COL27A1: variants seen among roughly 807,000 people sequenced by gnomAD.
COL27A1 encodes collagen type XXVII alpha 1 chain.
COL27A1 carries 106 observed loss-of-function variants against 251.3 expected under a neutral mutation model. The observed-to-expected ratio is 0.42, with a 90% CI of 0.36 to 0.50. The LOEUF (loss-of-function observed/expected upper bound fraction) is 0.50. COL27A1 is among the 20% of genes least tolerant of loss of function. The pLI is 0.00. For synonymous variants in COL27A1, 1,000 were observed against 986.3 expected, an observed-to-expected ratio of 1.01 and a Z score of -0.26; for missense variants, 2,325 against 2,522.8, an observed-to-expected ratio of 0.92 and a Z score of 1.68.
intron 4 of COL27A1, among the ~76,000 whole-genome samples, chr9:114,182,616 G>A (rs73656009): frequency 0.018 from 2,772 of 152,260 alleles, 89 homozygotes; most frequent in African/African-American, 0.063. Flanking sequence ...AAGGGCTGAC[G>A]GGGCTAGGCT....
intron 4 of COL27A1, 76 bp from the exon 5 acceptor site, chr9:114,182,946 C>T: frequency 1.6e-6 from 2 of 1,247,946 alleles, no homozygotes; most frequent in Admixed American, 1.7e-5. Context: ...GGGAAGGTGC[C>T]AGGCATTGCT....
At chr9:114,231,256 G>C in intron 15 of COL27A1, 124 bp downstream of exon 15, 1 of 928,866 alleles carries the variant, frequency 1.1e-6, no homozygotes, top group Non-Finnish European at 1.7e-6. Context: ...AGGATGCTCA[G>C]AGGGGTGCTA....
chr9:114,240,194 T>A, intron 19 of COL27A1, 26 bp from the exon 20 acceptor site: 1 of 1,608,880 alleles, frequency 6.2e-7, no homozygotes, highest in Non-Finnish European at 8.5e-7. Flanking sequence ...CCCCCGTGGG[T>A]GACCCTGCTC....
chr9:114,207,721 G>C (rs1314333481), intron 10 of COL27A1, among the ~76,000 whole-genome samples: 1 of 152,224 alleles, frequency 6.6e-6, no homozygotes. Flanking sequence ...CAGAGGGCAG[G>C]CTTTGGAATC....
chr9:114,196,326 A>G (rs1829123866), intron 7 of COL27A1, among the ~76,000 whole-genome samples: 1 of 152,196 alleles, frequency 6.6e-6, no homozygotes, highest in African/African-American at 2.4e-5. Context: ...GCCTGTGGTG[A>G]TGGAGTAACC....
intron 41 of COL27A1, among the ~76,000 whole-genome samples, chr9:114,287,924 G>A (rs1311834383): frequency 6.6e-6 from 1 of 152,062 alleles, no homozygotes; most frequent in Non-Finnish European, 1.5e-5. Context: ...GCACTGCACT[G>A]CGGATGTCAT....
rs923826809 is a variant in COL27A1, at chr9:114,195,897, A to G, written c.2071-62A>G. ...TGGAAGTTACCATTCCAATTTGTAG[A>G]GTGTAGCAGAGTGTCTCTGCTCCCG... On this transcript the variant is annotated intron_variant, in intron 6 of 60. Transcript: ENST00000356083. 3 of 1,186,440 alleles carry G rather than the reference A, an allele frequency of 2.5e-6. No homozygotes were observed. In the African/African-American group the frequency reaches 4.5e-5, roughly 18 times the overall value. The allele number at this position is 1,186,440 out of a possible 1,614,324, so 73.5% of individuals were successfully genotyped here.
At chr9:114,165,672 C>CCATT (rs1393097746) in intron 2 of COL27A1, among the ~76,000 whole-genome samples, 1 of 151,288 alleles carries the variant, frequency 6.6e-6, no homozygotes, top group Non-Finnish European at 1.5e-5. Flanking sequence ...ATCCATCCAT[C>CCATT]CATCCATCCA....
chr9:114,214,495 G>A (rs1016077100), intron 12 of COL27A1, among the ~76,000 whole-genome samples: 2 of 152,222 alleles, frequency 1.3e-5, no homozygotes. Context: ...AACGGGAGCT[G>A]AGGAAGAGAC....
chr9:114,242,066 T>A (rs1832798846), intron 21 of COL27A1, 121 bp from the exon 22 acceptor site: 1 of 829,384 alleles, frequency 1.2e-6, no homozygotes, highest in Non-Finnish European at 1.8e-6. Flanking sequence ...GCGTGCTGTT[T>A]CCCTTTGTCC....
chr9:114,212,271 T>G (rs766604187), intron 12 of COL27A1, among the ~76,000 whole-genome samples: 43 of 152,216 alleles, frequency 2.8e-4, no homozygotes, highest in Non-Finnish European at 5.9e-4. Flanking sequence ...CTGAGAGGGC[T>G]GGGCTGGCAC....
At chr9:114,229,275 G>T (rs1396566959) in intron 14 of COL27A1, among the ~76,000 whole-genome samples, 1 of 152,250 alleles carries the variant, frequency 6.6e-6, no homozygotes, top group Non-Finnish European at 1.5e-5. Context: ...TTGTTCTGGG[G>T]TTGGGAGAGT....
intron 5 of COL27A1, among the ~76,000 whole-genome samples, chr9:114,185,355 A>G (rs1456701666): frequency 1.3e-5 from 2 of 152,222 alleles, no homozygotes; most frequent in East Asian, 3.9e-4. Flanking sequence ...GCCAGGGGGA[A>G]ATGTCATGCC....
intron 18 of COL27A1, 131 bp downstream of exon 18, chr9:114,237,165 G>A (rs1330780271): frequency 6.2e-6 from 5 of 809,332 alleles, no homozygotes; most frequent in Non-Finnish European, 9.7e-6. Context: ...AAGCAGGGCA[G>A]GGCAGGAATG....
intron 28 of COL27A1, among the ~76,000 whole-genome samples, chr9:114,261,449 C>T (rs928031078): frequency 6.6e-6 from 1 of 152,188 alleles, no homozygotes; most frequent in Admixed American, 6.5e-5. Context: ...TGTTGAGTGG[C>T]CCAGAGCAAG....
chr9:114,296,665 C>T (rs1394175373), intron 49 of COL27A1, among the ~76,000 whole-genome samples: 1 of 152,158 alleles, frequency 6.6e-6, no homozygotes, highest in Non-Finnish European at 1.5e-5. Flanking sequence ...GAAAGTTAAG[C>T]ATATCCCTAT....
In COL27A1 at chr9:114,290,303, C is replaced by G; in HGVS notation, c.4340C>G (p.Pro1447Arg). 1 of 1,583,064 alleles carries G rather than the reference C, an allele frequency of 6.3e-7. No individual in the cohort carries two copies. Among genetic ancestry groups the G allele is most frequent in the Non-Finnish European group, 8.6e-7 (1 of 1,164,828 alleles). The change falls in exon 47 of 61, where the codon CCT (proline) becomes CGT (arginine). Residue 1447 changes from proline (P) to arginine (R), a missense_variant. Physicochemically the swap from Pro to Arg is moderately radical, Grantham distance 103 (BLOSUM62 -2). Transcript: ENST00000356083. This position sits in a 1 kb window ranked among gnomAD's most constrained non-coding sequence, Gnocchi z 4.6. ...LEGIAGPDGL[P>R]GRDGQAGQQG... is the part of the protein sequence containing the mutation. ...GGCATCGCTGGACCAGATGGGCTTC[C>G]TGGCAGGGACGGGCAAGCAGGACAG... is the stretch of plus-strand genomic sequence containing the variant.
At chr9:114,235,707 C>G (rs1394834100) in intron 17 of COL27A1, 55 bp downstream of exon 17, 1 of 1,400,670 alleles carries the variant, frequency 7.1e-7, no homozygotes, top group South Asian at 1.2e-5. Flanking sequence ...CTGCTGTTCC[C>G]CTGGTCTTGG....
intron 26 of COL27A1, 108 bp from the exon 27 acceptor site, chr9:114,252,771 C>G (rs183777428): frequency 7.2e-7 from 1 of 1,393,758 alleles, no homozygotes; most frequent in Non-Finnish European, 1.0e-6. Flanking sequence ...GTCCAGGGGG[C>G]CTAGCTGCTG....
Sources: allele counts gnomAD v4.1 joint callset (sites outside exome capture counted in the v4.1 genomes callset), GRCh38; gene constraint gnomAD v4.1.1; non-coding constraint Gnocchi (gnomAD v3.1); transcripts MANE v1.5; gene names NCBI Gene and HGNC (gene_info 2026-07-23, HGNC 2026-07-21).